Variants in RASAL2 observed in about 807,000 individuals in gnomAD.
RASAL2 encodes ras GTPase-activating protein nGAP.
In RASAL2, 58 loss-of-function variants were observed where a neutral mutation model predicts 128.9. That is an observed-to-expected ratio of 0.45 (90% CI 0.36 to 0.56). RASAL2 has a LOEUF of 0.56. Ranked by LOEUF, RASAL2 falls within the 20% of genes least tolerant of loss-of-function variation. The pLI, the probability that RASAL2 is intolerant of heterozygous loss-of-function variation, is 0.00. For missense variants in RASAL2, 1,360 were observed against 1,601.6 expected (o/e 0.85, Z 2.57); for synonymous variants, 561 against 580.8 (o/e 0.97, Z 0.49).
intron 1 of RASAL2, among the ~76,000 whole-genome samples, chr1:178,104,216 A>G (rs1659009027): frequency 1.3e-5 from 2 of 152,092 alleles, no homozygotes; most frequent in South Asian, 4.1e-4. Flanking sequence ...TCCTACCATC[A>G]TTTGTTGAAG....
intron 1 of RASAL2, among the ~76,000 whole-genome samples, chr1:178,195,905 A>G (rs1662644004): frequency 6.6e-6 from 1 of 152,150 alleles, no homozygotes. Context: ...TTCTAGCCAT[A>G]CTATTCATAT....
intron 3 of RASAL2, among the ~76,000 whole-genome samples, chr1:178,356,754 G>A (rs1423834853): frequency 1.3e-5 from 2 of 152,146 alleles, no homozygotes; most frequent in Admixed American, 6.5e-5. Context: ...GGAGTATTTG[G>A]GGAATCATTT....
At chr1:178,256,876 G>A (rs1055279747) in intron 1 of RASAL2, among the ~76,000 whole-genome samples, 2 of 152,058 alleles carry the variant, frequency 1.3e-5, no homozygotes, top group Non-Finnish European at 2.9e-5. Flanking sequence ...GTTTCACCGT[G>A]TTGCCCAGGC....
chr1:178,127,901 G>T (rs1260400165), intron 1 of RASAL2, among the ~76,000 whole-genome samples: 1 of 152,084 alleles, frequency 6.6e-6, no homozygotes, highest in Non-Finnish European at 1.5e-5. Flanking sequence ...GCCAGATAAA[G>T]AGCATTGCCT....
chr1:178,381,941 A>G (rs1245519635), intron 3 of RASAL2, among the ~76,000 whole-genome samples: 1 of 152,218 alleles, frequency 6.6e-6, no homozygotes, highest in Non-Finnish European at 1.5e-5. Context: ...TTGATACCTT[A>G]TAAATACCAA....
intron 3 of RASAL2, among the ~76,000 whole-genome samples, chr1:178,305,742 G>T (rs1415497463): frequency 6.6e-6 from 1 of 152,084 alleles, no homozygotes; most frequent in Non-Finnish European, 1.5e-5. Flanking sequence ...AAAGGGGAAG[G>T]TACAGACTAC....
intron 2 of RASAL2, among the ~76,000 whole-genome samples, chr1:178,286,142 C>G (rs1334120072): frequency 6.6e-6 from 1 of 152,130 alleles, no homozygotes; most frequent in Non-Finnish European, 1.5e-5. Context: ...CTCTTGAAAC[C>G]CTTTCACTGT....
chr1:178,217,520 T>A (rs1663462154), intron 1 of RASAL2, among the ~76,000 whole-genome samples: 1 of 152,200 alleles, frequency 6.6e-6, no homozygotes, highest in African/African-American at 2.4e-5. Context: ...GCTACAGGCA[T>A]ACTGCAGATA....
chr1:178,154,141 GA>G (rs1218970701), intron 1 of RASAL2, among the ~76,000 whole-genome samples: 1 of 144,026 alleles, frequency 6.9e-6, no homozygotes, highest in Non-Finnish European at 1.5e-5. Context: ...TGGCCTGATT[GA>G]TTTTTTTTTT....
chr1:178,369,693 A>G (rs1203177985), intron 3 of RASAL2, among the ~76,000 whole-genome samples: 1 of 152,218 alleles, frequency 6.6e-6, no homozygotes, highest in African/African-American at 2.4e-5. Flanking sequence ...AATGGTATGA[A>G]TCCTTAAATC....
chr1:178,320,450 G>A (rs1347973979), intron 3 of RASAL2, among the ~76,000 whole-genome samples: 2 of 152,184 alleles, frequency 1.3e-5, no homozygotes, highest in Non-Finnish European at 2.9e-5. Flanking sequence ...GCGAGACTCC[G>A]TGGGCGTAGG....
intron 3 of RASAL2, among the ~76,000 whole-genome samples, chr1:178,370,871 A>G (rs1241993213): frequency 6.6e-6 from 1 of 152,192 alleles, no homozygotes; most frequent in African/African-American, 2.4e-5. Context: ...AAAAGGGTAT[A>G]GATTCAGGAT....
intron 8 of RASAL2, among the ~76,000 whole-genome samples, chr1:178,443,605 T>A (rs1348043229): frequency 6.6e-6 from 1 of 152,196 alleles, no homozygotes; most frequent in African/African-American, 2.4e-5. Context: ...TATTTAAGTT[T>A]AACTGATGAC....
Position 178,142,147 on chromosome 1 carries a change from G to A in RASAL2, c.202+47453G>A, listed in dbSNP as rs1660555637. On this transcript the variant is annotated intron_variant, in intron 1 of 17. Coordinates refer to ENST00000367649, the MANE Select transcript of RASAL2 (RefSeq NM_170692.4). The stretch of plus-strand genomic sequence containing the variant: ...GGCGCAGATCCTCTAGAGATTCACA[G>A]GAATAGCTAGCACTGTCGCCTGGAT... Among the ~76,000 whole-genome samples the A allele has an allele frequency of 7.2e-5, 11 of 152,136 alleles. 1 individual carries two copies. The highest frequency in any genetic ancestry group is 7.2e-4 in the Admixed American group (11 of 15,274).
chr1:178,106,353 G>A (rs1659089164), intron 1 of RASAL2, among the ~76,000 whole-genome samples: 1 of 152,128 alleles, frequency 6.6e-6, no homozygotes. Flanking sequence ...GGTTCCCTTA[G>A]GCTTGACTGT....
intron 1 of RASAL2, among the ~76,000 whole-genome samples, chr1:178,166,291 A>G (rs1273065942): frequency 6.6e-6 from 1 of 152,166 alleles, no homozygotes; most frequent in Non-Finnish European, 1.5e-5. Context: ...AGTGGCAACA[A>G]TTTTCAGGTG....
chr1:178,144,379 A>G, intron 1 of RASAL2, among the ~76,000 whole-genome samples: 1 of 152,222 alleles, frequency 6.6e-6, no homozygotes, highest in East Asian at 1.9e-4. Context: ...TTTAAAAATC[A>G]TGTTATTCTG....
intron 9 of RASAL2, among the ~76,000 whole-genome samples, chr1:178,447,673 TAAA>T (rs60358768): frequency 0.015 from 853 of 55,784 alleles, 5 homozygotes; most frequent in African/African-American, 0.05. Flanking sequence ...CTCCTTCTCT[TAAA>T]AAAAAAAAAA....
At chr1:178,153,599 A>G (rs1282554465) in intron 1 of RASAL2, among the ~76,000 whole-genome samples, 3 of 152,168 alleles carry the variant, frequency 2.0e-5, no homozygotes, top group Admixed American at 6.5e-5. Flanking sequence ...TTCACTGAGC[A>G]TATTTTTGAG....
Sources: gnomAD v4.1 joint callset for allele counts (sites outside exome capture counted in the v4.1 genomes callset) on GRCh38, gnomAD v4.1.1 for gene constraint, MANE v1.5 for transcripts, NCBI Gene and HGNC (gene_info 2026-07-23, HGNC 2026-07-21) for gene names.